Variants in NAA11 observed in about 807,000 individuals in gnomAD.
The protein encoded by NAA11 is N-alpha-acetyltransferase 11, NatA catalytic subunit.
In NAA11, 15 loss-of-function variants were observed where a neutral mutation model predicts 16.1. That is an observed-to-expected ratio of 0.93 (90% confidence interval 0.62 to 1.44). The LOEUF is 1.44. Among genes scored for constraint, NAA11 ranks in the 40% most tolerant of loss-of-function variants. The pLI is 0.00. For synonymous variants in NAA11, 122 were observed against 112.4 expected (o/e 1.09, Z -0.54); for missense variants, 298 against 291.3 (o/e 1.02, Z -0.17).
At chr4:79,196,913 A>G in the NAA11 span, among the ~76,000 whole-genome samples, 2 of 135,016 alleles carry the variant, frequency 1.5e-5, no homozygotes, top group African/African-American at 2.7e-5. Context: ...AGAAGGGGCC[A>G]TGAACCAGGG....
chr4:79,194,136 G>T, the NAA11 span, among the ~76,000 whole-genome samples: 11 of 152,096 alleles, frequency 7.2e-5, no homozygotes, highest in Admixed American at 1.3e-4. Context: ...AGACGATGGG[G>T]TTTTCTAGAT....
intron 2 of NAA11, among the ~76,000 whole-genome samples, chr4:79,245,796 G>T (rs1007303803): frequency 1.3e-5 from 2 of 152,012 alleles, no homozygotes; most frequent in Non-Finnish European, 2.9e-5. Context: ...CGCCCGTCTG[G>T]GGGGTGAGGG....
chr4:79,245,901 C>T (rs71515900), intron 2 of NAA11, among the ~76,000 whole-genome samples: 1 of 152,172 alleles, frequency 6.6e-6, no homozygotes, highest in Non-Finnish European at 1.5e-5. Flanking sequence ...TCATTGAGAA[C>T]GGGCCATGAT....
chr4:79,266,849 ATT>A (rs1293622124), intron 2 of NAA11, among the ~76,000 whole-genome samples: 2 of 152,148 alleles, frequency 1.3e-5, no homozygotes, highest in Non-Finnish European at 2.9e-5. Flanking sequence ...GAAAAGATAC[ATT>A]TATTGAATGT....
At chr4:79,174,213 A>G in the NAA11 span, among the ~76,000 whole-genome samples, 1 of 152,226 alleles carries the variant, frequency 6.6e-6, no homozygotes, top group South Asian at 2.1e-4. Context: ...TTTGAAGAAC[A>G]GTTAAAATAT....
downstream of NAA11, among the ~76,000 whole-genome samples, chr4:79,222,699 G>C (rs1721218073): frequency 6.8e-6 from 1 of 147,000 alleles, no homozygotes; most frequent in African/African-American, 2.5e-5. Context: ...CCATCAGAGT[G>C]AACAGGCAAC....
chr4:79,172,664 T>C, the NAA11 span, among the ~76,000 whole-genome samples: 2 of 152,102 alleles, frequency 1.3e-5, no homozygotes, highest in South Asian at 2.1e-4. Flanking sequence ...TTACCAAAAT[T>C]ACCTGGGGTA....
rs186996026 is a variant in NAA11, at chr4:79,306,687, A to G, written c.*13-12573T>C. Reference sequence around the variant, plus strand: ...CATTGTGTCTGTTTCTTCCATTTTAAAAGGAATACAACATGTTTAAGACCA... The same window carrying G: ...CATTGTGTCTGTTTCTTCCATTTTAGAAGGAATACAACATGTTTAAGACCA... On this transcript the variant is annotated intron_variant and NMD_transcript_variant, in intron 1 of 2. Coordinates refer to the NAA11 transcript ENST00000511542. 1.9e-3 allele frequency: 295 copies of G among 152,308 alleles called. 1 individual carries two copies. The highest frequency in any genetic ancestry group is 6.7e-3 in the African/African-American group (280 of 41,564). The allele number at this position is 152,308 out of a possible 1,614,324, so 9.4% of individuals were successfully genotyped here.
intron 2 of NAA11, among the ~76,000 whole-genome samples, chr4:79,254,612 G>T (rs1722063028): frequency 6.7e-6 from 1 of 149,678 alleles, no homozygotes; most frequent in African/African-American, 2.4e-5. Context: ...GGATTAATGG[G>T]AACTTAAATA....
At chr4:79,237,933 T>C (rs1721606680) in intron 2 of NAA11, among the ~76,000 whole-genome samples, 2 of 152,216 alleles carry the variant, frequency 1.3e-5, no homozygotes, top group Non-Finnish European at 2.9e-5. Flanking sequence ...TATTGCTAAT[T>C]TGAAGTCGAC....
intron 2 of NAA11, among the ~76,000 whole-genome samples, chr4:79,240,679 A>G (rs1256928085): frequency 6.6e-6 from 1 of 152,118 alleles, no homozygotes; most frequent in East Asian, 1.9e-4. Context: ...TGGGCTTCTT[A>G]TGCCACTGAA....
At chr4:79,299,551 G>A (rs1274782930) in intron 1 of NAA11, 1 of 152,070 alleles carries the variant, frequency 6.6e-6, no homozygotes, top group Non-Finnish European at 1.5e-5. Flanking sequence ...ATTAAAAAAG[G>A]TTTTTTATAT....
At chr4:79,285,324 C>G (rs770088714) in intron 2 of NAA11, among the ~76,000 whole-genome samples, 1 of 152,056 alleles carries the variant, frequency 6.6e-6, no homozygotes, top group Non-Finnish European at 1.5e-5. Context: ...GTGTTTTTAT[C>G]AGAAACAGAT....
chr4:79,321,123 A>C (rs1476428576), intron 1 of NAA11, among the ~76,000 whole-genome samples: 1 of 152,198 alleles, frequency 6.6e-6, no homozygotes, highest in African/African-American at 2.4e-5. Context: ...CAGAATAAAT[A>C]TATGTCAGGT....
At chr4:79,265,136 C>A (rs903132847) in intron 2 of NAA11, among the ~76,000 whole-genome samples, 1 of 152,164 alleles carries the variant, frequency 6.6e-6, no homozygotes, top group African/African-American at 2.4e-5. Flanking sequence ...TCATGCCTCT[C>A]ATTTTCTTAA....
the NAA11 span, among the ~76,000 whole-genome samples, chr4:79,207,367 T>TAA: frequency 0.64 from 74,024 of 115,624 alleles, 25,436 homozygotes; most frequent in South Asian, 0.8. Context: ...TGAATGAGGT[T>TAA]AAAAAAAAAA....
chr4:79,216,842 T>A, the NAA11 span, among the ~76,000 whole-genome samples: 22 of 152,112 alleles, frequency 1.4e-4, no homozygotes, highest in Non-Finnish European at 1.6e-4. Flanking sequence ...ATTGATGGAA[T>A]AAAAATGGCT....
chr4:79,320,411 G>A lies in NAA11; in HGVS notation c.*13-2620C>T, dbSNP rs138683267. Among the ~76,000 whole-genome samples, 3 of 152,264 alleles carry A rather than the reference G, an allele frequency of 2.0e-5. No homozygotes were observed. The East Asian group carries it at 5.8e-4, about 29-fold the overall frequency. Reference sequence around the variant, plus strand: ...TTATTGATTATTTTACTGTGTGTGAGGAGTTGTGCTTAGCAATTTACATAG... The same window carrying A: ...TTATTGATTATTTTACTGTGTGTGAAGAGTTGTGCTTAGCAATTTACATAG... On this transcript the variant is annotated intron_variant, in intron 1 of 1. Transcript: ENST00000286794.
At chr4:79,173,231 G>A in the NAA11 span, among the ~76,000 whole-genome samples, 1 of 152,072 alleles carries the variant, frequency 6.6e-6, no homozygotes, top group African/African-American at 2.4e-5. Flanking sequence ...GACAGGAAGC[G>A]TCAGTGGCTC....
Sources: gnomAD v4.1 joint callset for allele counts (sites outside exome capture counted in the v4.1 genomes callset) on GRCh38, gnomAD v4.1.1 for gene constraint, MANE v1.5 for transcripts, NCBI Gene and HGNC (gene_info 2026-07-23, HGNC 2026-07-21) for gene names.